The following CYP2B6 variants were observed in gnomAD, a reference collection of about 807,000 sequenced individuals.
CYP2B6 encodes cytochrome P450 2B6.
In CYP2B6, 35 loss-of-function variants were observed where a neutral mutation model predicts 43.4. The observed-to-expected ratio is 0.81, with a 90% CI of 0.62 to 1.07. The LOEUF is 1.07. Among genes scored for constraint, CYP2B6 ranks in the 50% least tolerant of loss-of-function variants. CYP2B6 has a pLI of 0.00. For synonymous variants in CYP2B6, 239 were observed against 239.2 expected, an observed-to-expected ratio of 1.00 and a Z score of 0.01; for missense variants, 624 against 632.8, an observed-to-expected ratio of 0.99 and a Z score of 0.15.
chr19:41,014,903 G>A (rs1817837072), intron 8 of CYP2B6, among the ~76,000 whole-genome samples: 1 of 151,590 alleles, frequency 6.6e-6, no homozygotes, highest in Non-Finnish European at 1.5e-5. Context: ...GAGAGAAACA[G>A]AATAAGAGAT....
At chr19:40,994,063 G>C (rs1482467890) in intron 1 of CYP2B6, among the ~76,000 whole-genome samples, 1 of 152,044 alleles carries the variant, frequency 6.6e-6, no homozygotes, top group Non-Finnish European at 1.5e-5. Context: ...CCATACAACT[G>C]TCACCCAAAT....
At chr19:41,008,534 G>A (rs35554011) in intron 4 of CYP2B6, among the ~76,000 whole-genome samples, 7,795 of 145,056 alleles carry the variant, frequency 0.054, 858 homozygotes, top group African/African-American at 0.19. Flanking sequence ...GTCTGATCTG[G>A]AAAGTCTGGG....
chr19:40,999,251 C>T lies in CYP2B6; in HGVS notation c.172-4750C>T, dbSNP rs551028317. Among the ~76,000 whole-genome samples the T allele has an allele frequency of 5.5e-3, 840 of 152,156 alleles. 15 individuals carry two copies. Among genetic ancestry groups the T allele is most frequent in the Non-Finnish European group, 3.0e-3 (206 of 68,022 alleles). On this transcript the variant is annotated intron_variant, in intron 1 of 8. Transcript: ENST00000324071. ...TTGAAAAGTGTCTGTTCATGTCTTT[C>T]GCCCACTTTTTGATGGGGTTGTTTT...
intron 1 of CYP2B6, among the ~76,000 whole-genome samples, chr19:40,997,172 A>G (rs1018631489): frequency 1.3e-5 from 2 of 152,062 alleles, no homozygotes; most frequent in African/African-American, 4.8e-5. Context: ...AGGAGAGTGG[A>G]GGAGAGAGGG....
chr19:41,017,277 A>T lies in CYP2B6; in HGVS notation c.*450A>T, dbSNP rs1969386594. On this transcript the variant is annotated 3_prime_UTR_variant, in exon 9 of 9. Coordinates refer to ENST00000324071, the MANE Select transcript of CYP2B6 (RefSeq NM_000767.5). ...AGGCTGGTCTCGAACTCCTGAACTC[A>T]AGTGATTCACCCACCTTAGCCTCCC... 1 of 152,926 alleles carries T rather than the reference A, an allele frequency of 6.5e-6. No homozygotes were observed. The highest frequency in any genetic ancestry group is 1.5e-5 in the Non-Finnish European group (1 of 68,576). 9.5% of individuals were successfully genotyped at this position (152,926 alleles called of 1,614,324 possible).
At chr19:41,015,699 T>C (rs1211287967) in intron 8 of CYP2B6, among the ~76,000 whole-genome samples, 1 of 151,924 alleles carries the variant, frequency 6.6e-6, no homozygotes, top group Non-Finnish European at 1.5e-5. Flanking sequence ...ATTGGGCTTT[T>C]CCCCCCTTGA....
intron 2 of CYP2B6, 34 bp downstream of exon 2, chr19:41,004,197 TG>T (rs769498934): frequency 6.6e-5 from 23 of 350,208 alleles, no homozygotes; most frequent in Non-Finnish European, 9.1e-5. Flanking sequence ...AGGGGGCGGG[TG>T]GGGGGTGCAT....
At chr19:41,015,068 G>A (rs1969340683) in intron 8 of CYP2B6, among the ~76,000 whole-genome samples, 1 of 152,054 alleles carries the variant, frequency 6.6e-6, no homozygotes, top group South Asian at 2.1e-4. Context: ...AAGCAAGATG[G>A]AAGAAAGCCA....
chr19:40,997,557 G>T (rs1969016388), intron 1 of CYP2B6, among the ~76,000 whole-genome samples: 1 of 152,006 alleles, frequency 6.6e-6, no homozygotes, highest in African/African-American at 2.4e-5. Flanking sequence ...TATTTGCTCA[G>T]ACAGAATACA....
chr19:41,005,459 G>A (rs1279760982), intron 3 of CYP2B6, among the ~76,000 whole-genome samples: 1 of 151,770 alleles, frequency 6.6e-6, no homozygotes, highest in African/African-American at 2.4e-5. Flanking sequence ...ACACAGGCAG[G>A]AGGAAAGAGA....
In CYP2B6 at chr19:41,012,353, T is replaced by C; in HGVS notation, c.1020T>C (p.Leu340=). 1.2e-6 allele frequency: 2 copies of C among 1,614,110 alleles called. No homozygotes were observed. The highest frequency in any genetic ancestry group is 1.7e-6 in the Non-Finnish European group (2 of 1,180,028). ...TTGGCCCACATCGCCCTCCAGAGCT[T>C]CATGACCGAGCCAAAATGCCATACA... is the stretch of plus-strand genomic sequence containing the variant. The part of the protein sequence containing the change: ...QVIGPHRPPE[L]HDRAKMPYTE... Residue 340 remains leucine, a synonymous_variant, in exon 7 of 9, where the codon CTT becomes CTC. Coordinates refer to ENST00000324071, the MANE Select transcript of CYP2B6 (RefSeq NM_000767.5).
chr19:41,012,953 C>A, intron 8 of CYP2B6, 138 bp downstream of exon 8: 1 of 1,005,674 alleles, frequency 9.9e-7, no homozygotes, highest in Non-Finnish European at 1.6e-6. Flanking sequence ...CCCATTCCAT[C>A]TTCACTACAA....
At chr19:40,992,014 C>T (rs1026410858) in intron 1 of CYP2B6, among the ~76,000 whole-genome samples, 8 of 151,890 alleles carry the variant, frequency 5.3e-5, no homozygotes, top group African/African-American at 1.7e-4. Context: ...CCAGCCTGGC[C>T]AACATGGTGA....
intron 8 of CYP2B6, among the ~76,000 whole-genome samples, chr19:41,014,185 C>A (rs1370403844): frequency 6.6e-6 from 1 of 152,166 alleles, no homozygotes; most frequent in South Asian, 2.1e-4. Context: ...TTTGGCCCAG[C>A]CCCCGGTTTT....
At chr19:41,010,616 T>C (rs1969269074) in intron 6 of CYP2B6, among the ~76,000 whole-genome samples, 1 of 152,078 alleles carries the variant, frequency 6.6e-6, no homozygotes, top group Non-Finnish European at 1.5e-5. Flanking sequence ...GGTTTAACCA[T>C]GTTAGCCAGG....
chr19:41,012,477 A>G lies in CYP2B6; in HGVS notation c.1144A>G (p.Ile382Val). The change falls in exon 7 of 9, where the codon ATC becomes GTC. Residue 382 changes from isoleucine to valine, a missense_variant. Transcript: ENST00000324071. ...ACACACCAGCTTCCGAGGGTACATC[A>G]TCCCCAAGGTAAGACCGGCTGGAAC... Reference protein sequence around the residue: ...TQHTSFRGYIIPKDTEVFLIL... With the variant: ...TQHTSFRGYIVPKDTEVFLIL... The G allele has an allele frequency of 6.2e-7, 1 of 1,614,082 alleles. No individual in the cohort carries two copies. The highest frequency in any genetic ancestry group is 8.5e-7 in the Non-Finnish European group (1 of 1,179,964).
At chr19:41,014,786 G>C (rs1969336262) in intron 8 of CYP2B6, among the ~76,000 whole-genome samples, 1 of 151,380 alleles carries the variant, frequency 6.6e-6, no homozygotes, top group East Asian at 1.9e-4. Context: ...GAGAGGAAGA[G>C]AGAGAGACAC....
intron 1 of CYP2B6, among the ~76,000 whole-genome samples, chr19:40,999,610 T>C (rs952931629): frequency 3.3e-5 from 5 of 151,932 alleles, no homozygotes; most frequent in African/African-American, 7.3e-5. Flanking sequence ...CTAAAATGAG[T>C]TTTCAAAAGG....
In CYP2B6 at chr19:41,013,190, C is replaced by T. The variant is rs149134672; in HGVS notation, c.1294+375C>T. 2.7e-3 allele frequency among the ~76,000 whole-genome samples: 409 copies of T among 152,230 alleles called. 1 individual carries two copies. The highest frequency in any genetic ancestry group is 9.4e-3 in the African/African-American group (390 of 41,524). On this transcript the variant is annotated intron_variant, in intron 8 of 8. Coordinates refer to ENST00000324071, the MANE Select transcript of CYP2B6 (RefSeq NM_000767.5). The stretch of plus-strand genomic sequence containing the variant: ...GTTCCTGCCCCAGGAAATTTAAAGT[C>T]CAGCAGGGAAGATGGGCATTCATCA...
Sources: allele counts gnomAD v4.1 joint callset (sites outside exome capture counted in the v4.1 genomes callset), GRCh38; gene constraint gnomAD v4.1.1; transcripts MANE v1.5; gene names NCBI Gene and HGNC (gene_info 2026-07-23, HGNC 2026-07-21).